Variants in SHROOM4 observed in about 807,000 individuals in gnomAD.
SHROOM4 encodes protein Shroom4.
A neutral mutation model predicts 80.3 loss-of-function variants in SHROOM4; 17 were observed. The observed-to-expected ratio is 0.21, with a 90% CI of 0.14 to 0.32. The LOEUF (loss-of-function observed/expected upper bound fraction) is 0.32, where lower values mean the gene tolerates loss of function less well. Among genes scored for constraint, SHROOM4 ranks in the 10% least tolerant of loss-of-function variants. SHROOM4 has a pLI of 1.00. For missense variants in SHROOM4, 993 were observed against 1,140.3 expected, an observed-to-expected ratio of 0.87 and a Z score of 1.86; for synonymous variants, 400 against 437.5, an observed-to-expected ratio of 0.91 and a Z score of 1.07.
chrX:50,631,027 T>G (rs1931034858), intron 4 of SHROOM4, among the ~76,000 whole-genome samples: 1 of 107,027 alleles, frequency 9.3e-6, no homozygotes, highest in Admixed American at 1.0e-4. Context: ...ACATCCCAAC[T>G]CATTTTTTAA....
intron 1 of SHROOM4, among the ~76,000 whole-genome samples, chrX:50,792,672 T>C (rs1418180342): frequency 4.6e-5 from 5 of 109,592 alleles, no homozygotes; most frequent in African/African-American, 1.7e-4. Flanking sequence ...TAAACATTTC[T>C]CCAAATAAGA....
intron 1 of SHROOM4, among the ~76,000 whole-genome samples, chrX:50,755,189 G>T (rs1935012226): frequency 8.9e-6 from 1 of 112,360 alleles, no homozygotes; most frequent in South Asian, 3.7e-4. Context: ...ACACTGGCTA[G>T]CTTTCCAGTG....
chrX:50,651,976 T>A (rs183979134), intron 2 of SHROOM4, among the ~76,000 whole-genome samples: 5 of 111,759 alleles, frequency 4.5e-5, no homozygotes, highest in African/African-American at 9.8e-5. Context: ...TTTATCCAGT[T>A]TATCATTGAT....
chrX:50,607,796 G>T lies in SHROOM4; in HGVS notation c.3346C>A (p.Arg1116Ser), dbSNP rs200144471. Residue 1116 changes from arginine to serine, a missense_variant, in exon 6 of 9, where the codon CGT becomes AGT. By Grantham distance (110) the Arg-to-Ser change is moderately radical. Transcript: ENST00000376020. The stretch of plus-strand genomic sequence containing the variant: ...TGCTGCTTCTGCTGCTGGGCTGCAC[G>T]AAAGAGCCTGTACTTCTCCCAGTTG... ...PPNWEKYRLF[R>S]AAQQQKQQQQ... 8.3e-7 allele frequency: 1 copy of T among 1,207,003 alleles called. No individual in the cohort carries two copies. Among genetic ancestry groups the T allele is most frequent in the Non-Finnish European group, 1.1e-6 (1 of 893,646 alleles).
intron 1 of SHROOM4, among the ~76,000 whole-genome samples, chrX:50,730,880 G>A (rs781990124): frequency 2.7e-5 from 3 of 111,154 alleles, no homozygotes; most frequent in Non-Finnish European, 3.8e-5. Flanking sequence ...TAGGAGGGGC[G>A]TCAGAATGAA....
intron 1 of SHROOM4, among the ~76,000 whole-genome samples, chrX:50,764,261 G>C (rs192528322): frequency 1.8e-4 from 20 of 111,084 alleles, no homozygotes; most frequent in Non-Finnish European, 3.6e-4. Context: ...TTTTTGATCT[G>C]TACCTCCTGG....
rs1929126474 is a variant in SHROOM4 at position 50,596,649 on chromosome X, T to A, written c.*46A>T. 1 of 1,200,890 alleles carries A rather than the reference T, an allele frequency of 8.3e-7. No homozygotes were observed. The highest frequency in any genetic ancestry group is 1.7e-5 in the African/African-American group (1 of 57,289). On this transcript the variant is annotated 3_prime_UTR_variant, in exon 9 of 9. Transcript: ENST00000376020. Reference sequence around the variant, plus strand: ...TGCTAACAAAGAAGATTGAAAGCACTTCCCACATGGCTGGGCAGGGATGCT... The same window carrying A: ...TGCTAACAAAGAAGATTGAAAGCACATCCCACATGGCTGGGCAGGGATGCT...
At chrX:50,628,587 A>G (rs1930910848) in intron 4 of SHROOM4, among the ~76,000 whole-genome samples, 1 of 111,797 alleles carries the variant, frequency 8.9e-6, no homozygotes, top group Non-Finnish European at 1.9e-5. Flanking sequence ...AGTCCCATTC[A>G]AAGTTTTATT....
At chrX:50,736,089 C>T (rs1276759082) in intron 1 of SHROOM4, among the ~76,000 whole-genome samples, 2 of 109,034 alleles carry the variant, frequency 1.8e-5, no homozygotes, top group Admixed American at 2.0e-4. Flanking sequence ...CAATGAGATA[C>T]CACTTCATGG....
chrX:50,740,346 G>A (rs1934623791), intron 1 of SHROOM4, among the ~76,000 whole-genome samples: 1 of 111,561 alleles, frequency 9.0e-6, no homozygotes, highest in African/African-American at 3.3e-5. Flanking sequence ...AAACTGTTAT[G>A]AGAGATAAAT....
rs577004226 is a variant in SHROOM4, at chrX:50,804,022, A to G, written c.117+9880T>C. 1.5e-3 allele frequency among the ~76,000 whole-genome samples: 165 copies of G among 112,149 alleles called. 1 individual carries two copies. Among genetic ancestry groups the G allele is most frequent in the African/African-American group, 5.0e-3 (154 of 30,920 alleles). ...CACGAAAGCTGCCCTGCCATTTCAC[A>G]TAATTCCCAATGATTAGGTAACTTC... On this transcript the variant is annotated intron_variant, in intron 1 of 8. Coordinates refer to ENST00000376020, the MANE Select transcript of SHROOM4 (RefSeq NM_020717.5).
intron 1 of SHROOM4, among the ~76,000 whole-genome samples, chrX:50,730,202 C>T (rs959807352): frequency 8.1e-5 from 9 of 111,095 alleles, no homozygotes; most frequent in Non-Finnish European, 1.5e-4. Flanking sequence ...CCGAGGCGGG[C>T]GGATCACCTG....
At chrX:50,721,339 C>T (rs1036117756) in intron 1 of SHROOM4, among the ~76,000 whole-genome samples, 1 of 112,383 alleles carries the variant, frequency 8.9e-6, no homozygotes, top group Non-Finnish European at 1.9e-5. Flanking sequence ...CAGAGCAGCC[C>T]TGAGGGCTGC....
chrX:50,729,007 T>C (rs1934303793), intron 1 of SHROOM4, among the ~76,000 whole-genome samples: 1 of 96,342 alleles, frequency 1.0e-5, no homozygotes, highest in Non-Finnish European at 2.0e-5. Context: ...GTCCCAAAAA[T>C]TGGGGGTGGG....
chrX:50,787,680 T>C (rs1002782684), intron 1 of SHROOM4, among the ~76,000 whole-genome samples: 14 of 109,469 alleles, frequency 1.3e-4, no homozygotes, highest in African/African-American at 3.3e-5. Context: ...AAAAATAACC[T>C]GTCATATAAA....
intron 2 of SHROOM4, among the ~76,000 whole-genome samples, chrX:50,669,012 T>C (rs1181884938): frequency 8.9e-6 from 1 of 112,537 alleles, no homozygotes; most frequent in Non-Finnish European, 1.9e-5. Flanking sequence ...GCATCATGCC[T>C]AAAAACAATG....
At chrX:50,698,859 G>A (rs782821040) in intron 1 of SHROOM4, among the ~76,000 whole-genome samples, 24 of 111,799 alleles carry the variant, frequency 2.1e-4, no homozygotes, top group Non-Finnish European at 3.2e-4. Context: ...ATGGAGGGGC[G>A]AAAGATGATA....
intron 2 of SHROOM4, among the ~76,000 whole-genome samples, chrX:50,647,875 G>A (rs1324750205): frequency 8.9e-6 from 1 of 111,984 alleles, no homozygotes; most frequent in East Asian, 2.8e-4. Flanking sequence ...TGACAATCAG[G>A]AGGAGCCAAG....
At chrX:50,701,964 A>G (rs144599877) in intron 1 of SHROOM4, among the ~76,000 whole-genome samples, 6,100 of 111,730 alleles carry the variant, frequency 0.055, 446 homozygotes, top group African/African-American at 0.19. Context: ...GACTGGGAAA[A>G]TATTCATAAT....
Sources: gnomAD v4.1 joint callset for allele counts (sites outside exome capture counted in the v4.1 genomes callset) on GRCh38, gnomAD v4.1.1 for gene constraint, MANE v1.5 for transcripts, NCBI Gene and HGNC (gene_info 2026-07-23, HGNC 2026-07-21) for gene names.